The following DNAH8 variants were observed in gnomAD, a reference collection of about 807,000 sequenced individuals.
The protein encoded by DNAH8 is axonemal beta dynein heavy chain 8.
A neutral mutation model predicts 562.1 loss-of-function variants in DNAH8; 382 were observed. The observed-to-expected ratio is 0.68, with a 90% CI of 0.63 to 0.74. The LOEUF is 0.74. Ranked by LOEUF, DNAH8 falls within the 30% of genes least tolerant of loss-of-function variation. The pLI, the probability that DNAH8 is intolerant of heterozygous loss-of-function variation, is 0.00. For synonymous variants in DNAH8, 1,881 were observed against 1,919.4 expected (o/e 0.98, Z 0.52); for missense variants, 5,203 against 5,620.4 (o/e 0.93, Z 2.37).
At chr6:38,970,303 C>A (rs1167883853) in intron 82 of DNAH8, among the ~76,000 whole-genome samples, 1 of 152,194 alleles carries the variant, frequency 6.6e-6, no homozygotes, top group Non-Finnish European at 1.5e-5. Context: ...AGGCTCCTCC[C>A]ATTCAAGTCA....
intron 9 of DNAH8, among the ~76,000 whole-genome samples, chr6:38,753,186 G>T (rs1206540670): frequency 6.6e-6 from 1 of 151,926 alleles, no homozygotes; most frequent in East Asian, 1.9e-4. Context: ...TGTAAAATTT[G>T]TTTAATATAA....
chr6:38,788,585 G>A (rs1185993945), intron 18 of DNAH8, among the ~76,000 whole-genome samples: 26 of 151,944 alleles, frequency 1.7e-4, no homozygotes, highest in Admixed American at 1.4e-3. Flanking sequence ...GCATACTTTC[G>A]TTCAGCAGCA....
intron 88 of DNAH8, among the ~76,000 whole-genome samples, chr6:38,994,257 T>C (rs1446202490): frequency 1.3e-5 from 2 of 152,182 alleles, no homozygotes; most frequent in African/African-American, 4.8e-5. Flanking sequence ...TAGGACTTAT[T>C]TATATGTTAG....
intron 3 of DNAH8, among the ~76,000 whole-genome samples, chr6:38,724,130 A>G (rs1032883995): frequency 2.6e-5 from 4 of 151,810 alleles, no homozygotes; most frequent in African/African-American, 7.3e-5. Flanking sequence ...GGCACGCACC[A>G]CCACGCCCAG....
chr6:39,016,369 G>C (rs1766569967), intron 91 of DNAH8, among the ~76,000 whole-genome samples: 1 of 152,022 alleles, frequency 6.6e-6, no homozygotes, highest in African/African-American at 2.4e-5. Flanking sequence ...GGCTAACACG[G>C]TGAAACCCCG....
Position 38,810,626 on chromosome 6 carries a change from A to C in DNAH8, c.3257+2910A>C, listed in dbSNP as rs186050663. Among the ~76,000 whole-genome samples the C allele has an allele frequency of 2.8e-3, 432 of 152,124 alleles. 2 individuals carry two copies. Among genetic ancestry groups the C allele is most frequent in the African/African-American group, 9.7e-3 (402 of 41,516 alleles). On this transcript the variant is annotated intron_variant, in intron 24 of 92. Coordinates refer to ENST00000327475, the MANE Select transcript of DNAH8 (RefSeq NM_001206927.2). Reference sequence around the variant, plus strand: ...AGAAAAAAGAAAAAGCACTGTCCTTAGTTTTGCAGTTTTCTAGTCTTATTT... The same window carrying C: ...AGAAAAAAGAAAAAGCACTGTCCTTCGTTTTGCAGTTTTCTAGTCTTATTT...
At chr6:38,888,140 G>A (rs576145821) in intron 57 of DNAH8, among the ~76,000 whole-genome samples, 1 of 152,116 alleles carries the variant, frequency 6.6e-6, no homozygotes, top group East Asian at 1.9e-4. Flanking sequence ...TGCCCATCCG[G>A]GAAAGGGCAG....
chr6:38,717,481 G>A (rs1034113058), intron 1 of DNAH8, among the ~76,000 whole-genome samples: 9 of 151,800 alleles, frequency 5.9e-5, no homozygotes, highest in East Asian at 1.9e-4. Flanking sequence ...ACGCCACCAC[G>A]CCCGGCTAAT....
chr6:39,006,561 A>G (rs868722128), intron 88 of DNAH8, among the ~76,000 whole-genome samples: 1 of 152,144 alleles, frequency 6.6e-6, no homozygotes, highest in Non-Finnish European at 1.5e-5. Flanking sequence ...GCTTATGTCT[A>G]TTGGAAATTG....
chr6:38,873,897 C>T (rs1777690486), intron 52 of DNAH8, among the ~76,000 whole-genome samples: 1 of 151,856 alleles, frequency 6.6e-6, no homozygotes, highest in South Asian at 2.1e-4. Context: ...ATCAAGAAAA[C>T]TTGGGAGGCA....
intron 56 of DNAH8, 88 bp downstream of exon 56, chr6:38,884,086 T>TA: frequency 1.1e-6 from 1 of 925,002 alleles, no homozygotes; most frequent in East Asian, 4.4e-5. Flanking sequence ...ATAACTTTGT[T>TA]AAAAACTTTA....
intron 8 of DNAH8, among the ~76,000 whole-genome samples, chr6:38,748,640 G>A (rs926385999): frequency 3.3e-5 from 5 of 151,918 alleles, no homozygotes; most frequent in African/African-American, 1.2e-4. Flanking sequence ...TGTAATCCCA[G>A]CACTTTGCGA....
At chr6:38,723,257 C>A in intron 2 of DNAH8, 58 bp downstream of exon 2, 1 of 1,574,210 alleles carries the variant, frequency 6.4e-7, no homozygotes, top group Non-Finnish European at 8.6e-7. Flanking sequence ...ATACGAAATA[C>A]TTTTACTTTA....
chr6:38,783,166 C>A lies in DNAH8; in HGVS notation c.2395+27C>A, dbSNP rs1422867116. On this transcript the variant is annotated intron_variant, in intron 17 of 92. Transcript: ENST00000327475. ...TGTGTATAACACTGCCATGAGCCTA[C>A]AAAGTAGGGATTAGGTGATTTTGAA... 5 of 1,607,532 alleles carry A rather than the reference C, an allele frequency of 3.1e-6. No individual in the cohort carries two copies. The Admixed American group carries it at 6.8e-5, about 22-fold the overall frequency.
chr6:38,817,879 A>G (rs937058240), intron 26 of DNAH8, among the ~76,000 whole-genome samples: 1 of 152,200 alleles, frequency 6.6e-6, no homozygotes, highest in African/African-American at 2.4e-5. Context: ...GAAAGACACA[A>G]TCCAATGCCA....
intron 67 of DNAH8, among the ~76,000 whole-genome samples, chr6:38,914,155 A>G (rs1310973703): frequency 6.6e-6 from 1 of 152,054 alleles, no homozygotes; most frequent in Non-Finnish European, 1.5e-5. Flanking sequence ...TTGGCCTAAG[A>G]CTATTATTTC....
At chr6:38,806,452 G>A (rs1185508847) in intron 23 of DNAH8, among the ~76,000 whole-genome samples, 2 of 152,136 alleles carry the variant, frequency 1.3e-5, no homozygotes, top group Non-Finnish European at 2.9e-5. Flanking sequence ...ACCAGCAGGT[G>A]TCAGCTGGAG....
rs368756246 is a variant in DNAH8 at position 38,862,234 on chromosome 6, C to T, written c.6132-46C>T. ...GATTTTTGCTTGCGCCATCCTGTAA[C>T]GTGTCATCCCATACTCACAATGCTT... On this transcript the variant is annotated intron_variant, in intron 43 of 92. Transcript: ENST00000327475. The T allele has an allele frequency of 2.0e-4, 313 of 1,551,630 alleles. 1 individual carries two copies. The highest frequency in any genetic ancestry group is 2.5e-4 in the Non-Finnish European group (282 of 1,140,422).
intron 1 of DNAH8, among the ~76,000 whole-genome samples, chr6:38,715,948 ATATATATATATATTT>A (rs1441268644): frequency 3.5e-5 from 1 of 28,220 alleles, no homozygotes; most frequent in Non-Finnish European, 5.8e-5. Flanking sequence ...ATATATATAT[ATATATATATATATTT>A]TTTTTTTTTT....
Sources: gnomAD v4.1 joint callset for allele counts (sites outside exome capture counted in the v4.1 genomes callset) on GRCh38, gnomAD v4.1.1 for gene constraint, MANE v1.5 for transcripts, NCBI Gene and HGNC (gene_info 2026-07-23, HGNC 2026-07-21) for gene names.